Variants in DLG5 observed in about 807,000 individuals in gnomAD.
DLG5 encodes the protein disks large homolog 5.
Under a neutral mutation model 189.8 loss-of-function variants are expected in DLG5, and 48 were observed. That is an observed-to-expected ratio of 0.25 (90% confidence interval 0.20 to 0.32). The LOEUF is 0.32. Ranked by LOEUF, DLG5 falls within the 10% of genes least tolerant of loss-of-function variation. The pLI, the probability that DLG5 is intolerant of heterozygous loss-of-function variation, is 1.00. For synonymous variants in DLG5, 1,016 were observed against 1,054.1 expected (o/e 0.96, Z 0.70); for missense variants, 2,160 against 2,544.7 (o/e 0.85, Z 3.25).
At chr10:77,844,481 A>G (rs1208845300) in intron 5 of DLG5, among the ~76,000 whole-genome samples, 4 of 152,190 alleles carry the variant, frequency 2.6e-5, no homozygotes, top group African/African-American at 9.7e-5. Context: ...GCCCAGAATC[A>G]GGTTATGTAA....
At chr10:77,909,320 C>T (rs760195711) in intron 1 of DLG5, among the ~76,000 whole-genome samples, 1 of 152,054 alleles carries the variant, frequency 6.6e-6, no homozygotes, top group Non-Finnish European at 1.5e-5. Flanking sequence ...AACACATGGA[C>T]ACAAGGAGGG....
chr10:77,919,187 G>T (rs1846460555), intron 1 of DLG5, among the ~76,000 whole-genome samples: 1 of 152,154 alleles, frequency 6.6e-6, no homozygotes, highest in African/African-American at 2.4e-5. Context: ...CTGCACTCCA[G>T]CCTGGGCGAC....
At chr10:77,806,718 A>AGCCCCC in intron 26 of DLG5, 40 bp downstream of exon 26, 40 of 1,333,630 alleles carry the variant, frequency 3.0e-5, no homozygotes, top group East Asian at 4.7e-5. Context: ...GCCCTCGGCG[A>AGCCCCC]CCCCTGCCCC....
intron 1 of DLG5, among the ~76,000 whole-genome samples, chr10:77,896,775 C>T (rs977103392): frequency 2.6e-5 from 4 of 151,458 alleles, no homozygotes; most frequent in African/African-American, 9.7e-5. Context: ...GCTGAGATCA[C>T]ACCATTGCAC....
chr10:77,795,112 G>A (rs1312402426), intron 29 of DLG5, among the ~76,000 whole-genome samples, 154 bp from the exon 30 acceptor site: 1 of 152,146 alleles, frequency 6.6e-6, no homozygotes. Flanking sequence ...CCATACCCAC[G>A]AAACTCCCAA....
At chr10:77,877,964 C>T (rs546353568) in intron 1 of DLG5, among the ~76,000 whole-genome samples, 13 of 152,224 alleles carry the variant, frequency 8.5e-5, no homozygotes, top group Non-Finnish European at 1.8e-4. Context: ...CATTATGCTC[C>T]AGCCGGACAT....
At chr10:77,885,777 C>T (rs2154577504) in intron 1 of DLG5, among the ~76,000 whole-genome samples, 1 of 152,372 alleles carries the variant, frequency 6.6e-6, no homozygotes, top group East Asian at 1.9e-4. Context: ...GTTTAAGGGG[C>T]ATCCCCTCTA....
At chr10:77,829,064 C>T in intron 12 of DLG5, 79 bp from the exon 13 acceptor site, 3 of 1,444,036 alleles carry the variant, frequency 2.1e-6, no homozygotes, top group Non-Finnish European at 2.9e-6. Flanking sequence ...TCTTTGTTAC[C>T]ATCTTCTTAC....
At chr10:77,901,529 A>C (rs1226311492) in intron 1 of DLG5, among the ~76,000 whole-genome samples, 1 of 152,186 alleles carries the variant, frequency 6.6e-6, no homozygotes, top group Non-Finnish European at 1.5e-5. Context: ...CTGAGGAAAG[A>C]CTGCTGCATC....
chr10:77,913,651 C>T (rs1846284578), intron 1 of DLG5, among the ~76,000 whole-genome samples: 1 of 152,072 alleles, frequency 6.6e-6, no homozygotes, highest in African/African-American at 2.4e-5. Context: ...TGCAGTGGTA[C>T]ACTCAGAGCT....
chr10:77,871,391 G>A (rs953632711), intron 1 of DLG5, among the ~76,000 whole-genome samples: 1 of 152,088 alleles, frequency 6.6e-6, no homozygotes, highest in East Asian at 1.9e-4. Context: ...AGAAAACCCA[G>A]TTCAGCCTTA....
chr10:77,903,094 T>C (rs1845977167), intron 1 of DLG5, among the ~76,000 whole-genome samples: 1 of 152,212 alleles, frequency 6.6e-6, no homozygotes, highest in South Asian at 2.1e-4. Context: ...GTACATACAC[T>C]TTGTTTCATA....
chr10:77,829,852 T>C (rs1458301677), intron 11 of DLG5, among the ~76,000 whole-genome samples: 2 of 152,212 alleles, frequency 1.3e-5, no homozygotes, highest in African/African-American at 4.8e-5. Flanking sequence ...TTCTATAAAG[T>C]GCTTAAACCA....
chr10:77,809,183 G>C (rs2154575219), intron 24 of DLG5, among the ~76,000 whole-genome samples: 1 of 152,088 alleles, frequency 6.6e-6, no homozygotes, highest in South Asian at 2.1e-4. Context: ...GAGGCGGGCA[G>C]ATCACTTGAG....
At chr10:77,856,119 A>G (rs1844215477) in intron 3 of DLG5, among the ~76,000 whole-genome samples, 2 of 152,080 alleles carry the variant, frequency 1.3e-5, no homozygotes, top group Non-Finnish European at 2.9e-5. Flanking sequence ...CCAAGGCAGG[A>G]GGATCACTGG....
At chr10:77,869,050 C>T in intron 2 of DLG5, 79 bp downstream of exon 2, 1 of 1,202,266 alleles carries the variant, frequency 8.3e-7, no homozygotes, top group Non-Finnish European at 1.2e-6. Context: ...CCAGCTTCCT[C>T]TCCCATGAAC....
chr10:77,796,324 G>A lies in DLG5; in HGVS notation c.5308+127C>T. The stretch of plus-strand genomic sequence containing the variant: ...GCATGAATCTGACCCATGTCAGCAG[G>A]CTTCTGGAACACTGTGAAATCTGCC... On this transcript the variant is annotated intron_variant, in intron 28 of 31. Coordinates refer to ENST00000372391, the MANE Select transcript of DLG5 (RefSeq NM_004747.4). This position sits in a 1 kb window ranked among gnomAD's most constrained non-coding sequence, Gnocchi z 5.2. 1 of 1,582,690 alleles carries A rather than the reference G, an allele frequency of 6.3e-7. No homozygotes were observed. Among genetic ancestry groups the A allele is most frequent in the Non-Finnish European group, 8.6e-7 (1 of 1,159,808 alleles).
chr10:77,917,670 G>A (rs926119588), intron 1 of DLG5, among the ~76,000 whole-genome samples: 2 of 152,172 alleles, frequency 1.3e-5, no homozygotes, highest in African/African-American at 4.8e-5. Context: ...ACAGAGTTTC[G>A]ATTTTGCAAG....
chr10:77,884,115 G>T (rs1310210043), intron 1 of DLG5, among the ~76,000 whole-genome samples: 1 of 152,164 alleles, frequency 6.6e-6, no homozygotes, highest in Non-Finnish European at 1.5e-5. Context: ...CTTGGAGCAG[G>T]GGTAGGAGGA....
Sources: gnomAD v4.1 joint callset for allele counts (sites outside exome capture counted in the v4.1 genomes callset) on GRCh38, gnomAD v4.1.1 for gene constraint, Gnocchi (gnomAD v3.1) non-coding constraint, MANE v1.5 for transcripts, NCBI Gene and HGNC (gene_info 2026-07-23, HGNC 2026-07-21) for gene names.